Variants in PTCHD1 observed in about 807,000 individuals in gnomAD.
The protein encoded by PTCHD1 is patched domain containing 1.
PTCHD1 carries 3 observed loss-of-function variants against 34.6 expected under a neutral mutation model. That is an observed-to-expected ratio of 0.09 (90% CI 0.04 to 0.22). The LOEUF (loss-of-function observed/expected upper bound fraction) is 0.22. PTCHD1 is among the 10% of genes least tolerant of loss of function. The pLI is 1.00. For synonymous variants in PTCHD1, 305 were observed against 283.1 expected, an observed-to-expected ratio of 1.08 and a Z score of -0.77; for missense variants, 504 against 685.5, an observed-to-expected ratio of 0.74 and a Z score of 2.96.
chrX:23,355,424 C>T (rs1921776204), intron 1 of PTCHD1, among the ~76,000 whole-genome samples: 1 of 112,778 alleles, frequency 8.9e-6, no homozygotes, highest in Non-Finnish European at 1.9e-5. Flanking sequence ...TTTCACTTTT[C>T]CCTTTTAGGA....
chrX:23,379,821 C>T lies in PTCHD1; in HGVS notation c.582C>T (p.Gly194=), dbSNP rs747612889. ...TGTACAATGGGCACCAGCTTGGGGG[C>T]GTCACTGTGCACAGCAAAGACCGGG... is the stretch of plus-strand genomic sequence containing the variant. ...RAVYNGHQLG[G]VTVHSKDRVK... The change falls in exon 2 of 3, where the codon GGC becomes GGT. Residue 194 remains glycine (G), a synonymous_variant. Coordinates refer to ENST00000379361, the MANE Select transcript of PTCHD1 (RefSeq NM_173495.3). 27 of 1,209,408 alleles carry T rather than the reference C, an allele frequency of 2.2e-5. No individual in the cohort carries two copies. The highest frequency in any genetic ancestry group is 2.3e-4 in the Middle Eastern group (1 of 4,374).
rs1426651694 is a variant in PTCHD1 at position 23,394,338 on chromosome X, G to A, written c.*153G>A. On this transcript the variant is annotated 3_prime_UTR_variant, in exon 3 of 3. Coordinates refer to ENST00000379361, the MANE Select transcript of PTCHD1 (RefSeq NM_173495.3). Reference sequence around the variant, plus strand: ...AAAAAAAAAAAAGGAAAGGACAGTGGGGAGAAATGGGCCTGGCATATTTTC... The same window carrying A: ...AAAAAAAAAAAAGGAAAGGACAGTGAGGAGAAATGGGCCTGGCATATTTTC... The A allele has an allele frequency of 6.9e-6, 3 of 432,897 alleles. No individual in the cohort carries two copies. The African/African-American group carries it at 7.9e-5, about 11-fold the overall frequency. The allele number at this position is 432,897 out of a possible 1,213,427, so 35.7% of individuals were successfully genotyped here. A position where few individuals can be genotyped will look rare whatever the true frequency, so the allele number is the denominator to read the frequency against.
rs749681052 is a variant in PTCHD1 at position 23,335,112 on chromosome X, C to T, written c.237C>T (p.Ser79=). 3 of 1,211,663 alleles carry T rather than the reference C, an allele frequency of 2.5e-6. No homozygotes were observed. The highest frequency in any genetic ancestry group is 3.0e-5 in the East Asian group (1 of 33,808). The part of the protein sequence containing the change: ...LVNSLFPVNR[S]KHRLYSDLQT... ...ACAGCCTCTTCCCGGTCAACCGCTCCAAGCACCGTCTCTACTCGGACCTGC... is the reference window on the plus strand; with the variant it reads ...ACAGCCTCTTCCCGGTCAACCGCTCTAAGCACCGTCTCTACTCGGACCTGC... Residue 79 remains serine, a synonymous_variant, in exon 1 of 3, where the codon TCC becomes TCT. Coordinates refer to ENST00000379361, the MANE Select transcript of PTCHD1 (RefSeq NM_173495.3).
intron 2 of PTCHD1, among the ~76,000 whole-genome samples, chrX:23,392,070 C>CTTTTTTTTTTTTTT (rs1464413678): frequency 7.6e-5 from 3 of 39,464 alleles, no homozygotes; most frequent in African/African-American, 2.3e-4. Flanking sequence ...TTCTTTCTTT[C>CTTTTTTTTTTTTTT]TTTCTTTTTT....
intron 1 of PTCHD1, among the ~76,000 whole-genome samples, chrX:23,342,296 ATATATATATATATATTT>A (rs1415923229): frequency 3.0e-4 from 4 of 13,155 alleles, no homozygotes; most frequent in Non-Finnish European, 5.4e-4. Context: ...ATATATATAT[ATATATATATATATATTT>A]TTTTTTTTTT....
chrX:23,356,135 C>T (rs1472381367), intron 1 of PTCHD1, among the ~76,000 whole-genome samples: 2 of 111,905 alleles, frequency 1.8e-5, no homozygotes, highest in Admixed American at 1.9e-4. Flanking sequence ...CAAGGGGAAG[C>T]TGTTTAATGC....
intron 1 of PTCHD1, among the ~76,000 whole-genome samples, chrX:23,377,163 C>T (rs1242078052): frequency 8.9e-6 from 1 of 112,038 alleles, no homozygotes; most frequent in Non-Finnish European, 1.9e-5. Flanking sequence ...TCTTATTTGG[C>T]AATCTTTTTC....
chrX:23,359,739 G>T (rs978247623), intron 1 of PTCHD1, among the ~76,000 whole-genome samples: 2 of 111,940 alleles, frequency 1.8e-5, no homozygotes, highest in Non-Finnish European at 3.8e-5. Flanking sequence ...TTTTCAAAGG[G>T]AATACTTCTA....
upstream of PTCHD1, chrX:23,334,420 C>T (rs960247791): frequency 1.4e-4 from 15 of 110,568 alleles, no homozygotes; most frequent in Non-Finnish European, 3.8e-5. Flanking sequence ...ATAGCGCCGT[C>T]GCCGCTCCCC....
At chrX:23,378,967 G>T (rs905891076) in intron 1 of PTCHD1, among the ~76,000 whole-genome samples, 2 of 111,943 alleles carry the variant, frequency 1.8e-5, no homozygotes, top group African/African-American at 6.5e-5. Flanking sequence ...ATGTAGGCAA[G>T]GAAAGCCAGA....
intron 1 of PTCHD1, among the ~76,000 whole-genome samples, chrX:23,354,759 G>C (rs1921755644): frequency 9.2e-6 from 1 of 108,490 alleles, no homozygotes; most frequent in African/African-American, 3.3e-5. Flanking sequence ...TTTTAGTAGA[G>C]ATGGGGTTTC....
rs1921462315 is a variant in PTCHD1, at chrX:23,345,844, T to C, written c.351+10618T>C. The stretch of plus-strand genomic sequence containing the variant: ...CACTTAATTCTGAATGATGCTATAA[T>C]AGCTCTTCTACAAAGGGTATTAAAT... On this transcript the variant is annotated intron_variant, in intron 1 of 2. Coordinates refer to ENST00000379361, the MANE Select transcript of PTCHD1 (RefSeq NM_173495.3). 2.7e-5 allele frequency among the ~76,000 whole-genome samples: 3 copies of C among 111,998 alleles called. No homozygotes were observed. In the Admixed American group the frequency reaches 2.8e-4, roughly 11 times the overall value.
At chrX:23,354,679 TCTC>T (rs1921751678) in intron 1 of PTCHD1, among the ~76,000 whole-genome samples, 1 of 106,793 alleles carries the variant, frequency 9.4e-6, no homozygotes, top group Non-Finnish European at 1.9e-5. Flanking sequence ...TTCAAACTAT[TCTC>T]CTGCCTCAGC....
chrX:23,365,130 C>G (rs1462801879), intron 1 of PTCHD1, among the ~76,000 whole-genome samples: 1 of 111,954 alleles, frequency 8.9e-6, no homozygotes, highest in Non-Finnish European at 1.9e-5. Flanking sequence ...AGGCCATCTA[C>G]ACTCGTGAAC....
At chrX:23,365,582 G>A (rs1006230332) in intron 1 of PTCHD1, among the ~76,000 whole-genome samples, 2 of 111,442 alleles carry the variant, frequency 1.8e-5, no homozygotes, top group Non-Finnish European at 3.8e-5. Context: ...TCACACTGGG[G>A]GAAGCTCTGG....
Position 23,379,889 on chromosome X carries a change from C to T in PTCHD1, c.650C>T (p.Ser217Leu). ...ATCCAGCTCACCTACTACCTGCAGT[C>T]AATCAACAGTCTCAATGACATGGTG... ...EAIQLTYYLQ[S>L]INSLNDMVAE... Residue 217 changes from serine (S) to leucine (L), a missense_variant, in exon 2 of 3, where the codon TCA becomes TTA. Physicochemically the swap from Ser to Leu is moderately radical, Grantham distance 145. Coordinates refer to ENST00000379361, the MANE Select transcript of PTCHD1 (RefSeq NM_173495.3). 8.3e-7 allele frequency: 1 copy of T among 1,211,823 alleles called. No homozygotes were observed.
At chrX:23,382,038 T>A (rs1396502088) in intron 2 of PTCHD1, among the ~76,000 whole-genome samples, 1 of 111,732 alleles carries the variant, frequency 8.9e-6, no homozygotes, top group South Asian at 3.8e-4. Context: ...ATTTTCTTGC[T>A]GCTTTTGTGG....
chrX:23,361,989 C>G (rs908608377), intron 1 of PTCHD1, among the ~76,000 whole-genome samples: 1 of 112,705 alleles, frequency 8.9e-6, no homozygotes, highest in Non-Finnish European at 1.9e-5. Context: ...CCACTCTCTT[C>G]TGGCTTGTAG....
At chrX:23,351,243 T>A (rs1333754412) in intron 1 of PTCHD1, 1 of 758,152 alleles carries the variant, frequency 1.3e-6, no homozygotes, top group African/African-American at 2.1e-5. Context: ...CTCCTGTAGG[T>A]AATGCTGCTC....
Sources: allele counts gnomAD v4.1 joint callset (sites outside exome capture counted in the v4.1 genomes callset), GRCh38; gene constraint gnomAD v4.1.1; transcripts MANE v1.5; gene names NCBI Gene and HGNC (gene_info 2026-07-23, HGNC 2026-07-21).